The following EXOC2 variants were observed in gnomAD, a reference collection of about 807,000 sequenced individuals.
EXOC2 encodes exocyst complex component 2, also known as SEC5-like 1.
In EXOC2, 70 loss-of-function variants were observed where a neutral mutation model predicts 131.8. That is an observed-to-expected ratio of 0.53 (90% CI 0.44 to 0.65). EXOC2 has a LOEUF of 0.65. Among genes scored for constraint, EXOC2 ranks in the 30% least tolerant of loss-of-function variants. EXOC2 has a pLI of 0.00. For missense variants in EXOC2, 923 were observed against 1,108.6 expected, an observed-to-expected ratio of 0.83 and a Z score of 2.38; for synonymous variants, 411 against 398.4, an observed-to-expected ratio of 1.03 and a Z score of -0.38.
rs1764530680 is a variant in EXOC2, at chr6:506,143, G to A, written c.2381-6443C>T. Reference sequence around the variant, plus strand: ...ATATAGTTTGAATAAAGTAAGTACAGTAGTATAGAATATTGCTGAGGCTTA... The same window carrying A: ...ATATAGTTTGAATAAAGTAAGTACAATAGTATAGAATATTGCTGAGGCTTA... On this transcript the variant is annotated intron_variant, in intron 23 of 27. Coordinates refer to ENST00000230449, the MANE Select transcript of EXOC2 (RefSeq NM_018303.6). The surrounding 1 kb of genome is among the most constrained non-coding windows in gnomAD (Gnocchi z 4.4). Among the ~76,000 whole-genome samples, 1 of 152,210 alleles carries A rather than the reference G, an allele frequency of 6.6e-6. No individual in the cohort carries two copies. Among genetic ancestry groups the A allele is most frequent in the Non-Finnish European group, 1.5e-5 (1 of 68,046 alleles).
chr6:597,972 G>A, intron 10 of EXOC2, 49 bp downstream of exon 10: 1 of 1,392,408 alleles, frequency 7.2e-7, no homozygotes, highest in East Asian at 2.3e-5. Context: ...GATGCATACA[G>A]TACCAAACAG....
Position 529,702 on chromosome 6 carries a change from T to C in EXOC2, c.2380+2767A>G, listed in dbSNP as rs531260387. Reference sequence around the variant, plus strand: ...TACATGTGAATCACAGGAAAAGATATGAACTTTGACAAAATTCATTTAAAC... The same window carrying C: ...TACATGTGAATCACAGGAAAAGATACGAACTTTGACAAAATTCATTTAAAC... On this transcript the variant is annotated intron_variant, in intron 23 of 27. Transcript: ENST00000230449. Among the ~76,000 whole-genome samples the C allele has an allele frequency of 4.6e-5, 7 of 152,296 alleles. No homozygotes were observed. In the South Asian group the frequency reaches 1.5e-3, roughly 32 times the overall value.
At chr6:652,042 T>A (rs1263881837) in intron 1 of EXOC2, among the ~76,000 whole-genome samples, 1 of 144,522 alleles carries the variant, frequency 6.9e-6, no homozygotes, top group Non-Finnish European at 1.5e-5. Context: ...GGCGACAGAG[T>A]GAGATTCCAT....
In EXOC2 at chr6:564,063, C is replaced by G; in HGVS notation, c.1759G>C (p.Val587Leu). The change falls in exon 16 of 28, where the codon GTA becomes CTA. Residue 587 changes from valine (V) to leucine (L), a missense_variant. Physicochemically the swap from Val to Leu is conservative, Grantham distance 32. Transcript: ENST00000230449. ...GCCGTGTGCTGCAACGTGGCCATTA[C>G]GCAACGTACTCGGAGATCCAAGATG... ...DLILDLRVRCVMATLQHTAEE... is the reference protein window; with the variant it reads ...DLILDLRVRCLMATLQHTAEE... 1 of 1,614,062 alleles carries G rather than the reference C, an allele frequency of 6.2e-7. No homozygotes were observed. Among genetic ancestry groups the G allele is most frequent in the Non-Finnish European group, 8.5e-7 (1 of 1,180,004 alleles).
intron 17 of EXOC2, among the ~76,000 whole-genome samples, chr6:556,817 A>C (rs998055149): frequency 2.0e-5 from 3 of 152,250 alleles, no homozygotes; most frequent in Non-Finnish European, 4.4e-5. Context: ...AAACTCAGAT[A>C]TGACTAAAAA....
In EXOC2 at chr6:489,107, T is replaced by A. The variant is rs1357408679; in HGVS notation, c.2622-69A>T. The A allele has an allele frequency of 2.9e-5, 42 of 1,454,424 alleles. No individual in the cohort carries two copies. The Admixed American group carries it at 5.1e-4, about 17-fold the overall frequency. 90.1% of individuals were successfully genotyped at this position (1,454,424 alleles called of 1,614,324 possible). On this transcript the variant is annotated intron_variant, in intron 26 of 27. Transcript: ENST00000230449. Reference sequence around the variant, plus strand: ...AGAACTGCTGACAAATTCTTAAGCATCCCTTAATTATTGAGAAGCCAATAA... The same window carrying A: ...AGAACTGCTGACAAATTCTTAAGCAACCCTTAATTATTGAGAAGCCAATAA...
intron 1 of EXOC2, among the ~76,000 whole-genome samples, chr6:683,461 G>T (rs1430350371): frequency 2.6e-5 from 4 of 152,074 alleles, no homozygotes; most frequent in Non-Finnish European, 5.9e-5. Flanking sequence ...CATTTGTCTC[G>T]ACTTGTCAAA....
intron 4 of EXOC2, among the ~76,000 whole-genome samples, chr6:625,981 T>G (rs1581582833): frequency 6.6e-6 from 1 of 152,216 alleles, no homozygotes; most frequent in Non-Finnish European, 1.5e-5. Flanking sequence ...TGAGTATTGA[T>G]TTCAAGAAAC....
chr6:494,595 C>T, intron 25 of EXOC2, among the ~76,000 whole-genome samples: 1 of 152,114 alleles, frequency 6.6e-6, no homozygotes, highest in East Asian at 1.9e-4. Context: ...AAGGCCCCAC[C>T]CTAGGAACCC....
At chr6:583,787 CA>C (rs1466653309) in intron 11 of EXOC2, among the ~76,000 whole-genome samples, 1 of 152,226 alleles carries the variant, frequency 6.6e-6, no homozygotes, top group Non-Finnish European at 1.5e-5. Flanking sequence ...TGCAAACGAA[CA>C]AGTGCACAGC....
At chr6:578,887 A>C (rs1758735366) in intron 11 of EXOC2, among the ~76,000 whole-genome samples, 1 of 152,206 alleles carries the variant, frequency 6.6e-6, no homozygotes, top group African/African-American at 2.4e-5. Context: ...TGAAGTTTAT[A>C]CAGTTGTCAC....
At chr6:609,278 T>C (rs3799319) in intron 7 of EXOC2, among the ~76,000 whole-genome samples, 6,665 of 152,322 alleles carry the variant, frequency 0.044, 341 homozygotes, top group South Asian at 0.2. Flanking sequence ...TTTAAAGATC[T>C]GGTGTGAGGT....
chr6:654,110 A>G (rs1422201417), intron 1 of EXOC2, among the ~76,000 whole-genome samples: 1 of 152,258 alleles, frequency 6.6e-6, no homozygotes, highest in African/African-American at 2.4e-5. Context: ...TTCATTAACA[A>G]TGCACCTGGT....
chr6:550,124 G>A (rs998014610), intron 21 of EXOC2, among the ~76,000 whole-genome samples: 4 of 152,220 alleles, frequency 2.6e-5, no homozygotes, highest in African/African-American at 7.2e-5. Flanking sequence ...GCAGGCAGGC[G>A]GGCCTTCTCT....
chr6:578,176 C>G (rs1317819787), intron 11 of EXOC2, among the ~76,000 whole-genome samples: 1 of 152,160 alleles, frequency 6.6e-6, no homozygotes, highest in African/African-American at 2.4e-5. Context: ...TACTTTATAA[C>G]TTAATAGAAT....
At chr6:600,528 T>C (rs1760071905) in intron 7 of EXOC2, among the ~76,000 whole-genome samples, 1 of 152,182 alleles carries the variant, frequency 6.6e-6, no homozygotes, top group Non-Finnish European at 1.5e-5. Flanking sequence ...GGTTAATTAC[T>C]TATATGTTAG....
chr6:648,273 G>A (rs1248644294), intron 1 of EXOC2, among the ~76,000 whole-genome samples: 1 of 152,106 alleles, frequency 6.6e-6, no homozygotes, highest in East Asian at 1.9e-4. Context: ...TTGTTGATAT[G>A]TTCTTATCAA....
In EXOC2 at chr6:546,347, C is replaced by T. The variant is rs77609355; in HGVS notation, c.2238+2828G>A. Among the ~76,000 whole-genome samples the T allele has an allele frequency of 3.3e-4, 50 of 152,240 alleles. 1 individual carries two copies. The East Asian group carries it at 6.0e-3, about 18-fold the overall frequency. On this transcript the variant is annotated intron_variant, in intron 22 of 27. Transcript: ENST00000230449. ...CACCGAGTCCACCAAAGGTTTATAA[C>T]GGGGCTTATTTTTAAGGAGGAACAA...
intron 25 of EXOC2, among the ~76,000 whole-genome samples, chr6:496,444 G>A (rs1399242226): frequency 1.3e-5 from 2 of 152,118 alleles, no homozygotes; most frequent in African/African-American, 4.8e-5. Flanking sequence ...AGTTCTTCTA[G>A]CCTTCGCTGG....
Sources: allele counts gnomAD v4.1 joint callset (sites outside exome capture counted in the v4.1 genomes callset), GRCh38; gene constraint gnomAD v4.1.1; non-coding constraint Gnocchi (gnomAD v3.1); transcripts MANE v1.5; gene names NCBI Gene and HGNC (gene_info 2026-07-23, HGNC 2026-07-21).